Variants in EYS observed in about 807,000 individuals in gnomAD.
EYS encodes the protein EGF-like photoreceptor maintenance factor.
EYS carries 250 observed loss-of-function variants against 282.1 expected under a neutral mutation model. That is an observed-to-expected ratio of 0.89 (90% CI 0.80 to 0.98). The LOEUF (loss-of-function observed/expected upper bound fraction) is 0.98, where lower values mean the gene tolerates loss of function less well. EYS is among the 50% of genes least tolerant of loss of function. The pLI is 0.00. For synonymous variants in EYS, 1,355 were observed against 1,282.9 expected, an observed-to-expected ratio of 1.06 and a Z score of -1.20; for missense variants, 4,016 against 3,709.0, an observed-to-expected ratio of 1.08 and a Z score of -2.15.
At chr6:64,327,204 GC>G (rs1178091750) in intron 29 of EYS, among the ~76,000 whole-genome samples, 3 of 152,076 alleles carry the variant, frequency 2.0e-5, no homozygotes, top group African/African-American at 7.2e-5. Flanking sequence ...CATAGGACCA[GC>G]TCCACAGCTG....
intron 34 of EYS, among the ~76,000 whole-genome samples, chr6:63,995,683 T>C (rs1767802463): frequency 6.6e-6 from 1 of 152,046 alleles, no homozygotes; most frequent in South Asian, 2.1e-4. Flanking sequence ...TGTCCATTAA[T>C]GGATGAATGG....
chr6:64,935,420 C>T (rs1362098480), intron 15 of EYS, among the ~76,000 whole-genome samples: 1 of 151,392 alleles, frequency 6.6e-6, no homozygotes, highest in East Asian at 1.9e-4. Flanking sequence ...ACTTTGTATT[C>T]AATAGTGAAA....
chr6:64,817,155 G>A (rs1328317642), intron 21 of EYS, among the ~76,000 whole-genome samples: 3 of 151,940 alleles, frequency 2.0e-5, no homozygotes, highest in Non-Finnish European at 2.9e-5. Context: ...CATTTGTTGA[G>A]GGAGATGGAC....
intron 22 of EYS, among the ~76,000 whole-genome samples, chr6:64,720,783 CT>C (rs1314133289): frequency 6.6e-6 from 1 of 152,180 alleles, no homozygotes; most frequent in African/African-American, 2.4e-5. Flanking sequence ...GTCTATCTTT[CT>C]CTTTATCAAT....
At chr6:65,631,385 C>T (rs949329426) in intron 2 of EYS, among the ~76,000 whole-genome samples, 7 of 151,800 alleles carry the variant, frequency 4.6e-5, no homozygotes, top group African/African-American at 1.7e-4. Flanking sequence ...TTATTTCCTC[C>T]AGCTACTGTG....
chr6:65,620,433 A>T (rs2149801469), intron 2 of EYS, among the ~76,000 whole-genome samples: 1 of 151,242 alleles, frequency 6.6e-6, no homozygotes, highest in South Asian at 2.1e-4. Context: ...TGTCTATTTG[A>T]TTCTTCTCTT....
At position 64,787,177 on chromosome 6, in the gene EYS, G is replaced by A. The variant is rs183894856; in HGVS notation, c.3443+26201C>T. ...CTTGTGCCAGTAGAATCTAGACTCC[G>A]TGTGCTCAGTAGTGCGTTCCTCATT... On this transcript the variant is annotated intron_variant, in intron 22 of 42. Transcript: ENST00000503581. 1.9e-4 allele frequency among the ~76,000 whole-genome samples: 29 copies of A among 152,256 alleles called. No homozygotes were observed. In the East Asian group the frequency reaches 2.9e-3, roughly 15 times the overall value.
intron 14 of EYS, among the ~76,000 whole-genome samples, chr6:64,958,974 G>T (rs1027188071): frequency 6.6e-6 from 1 of 152,034 alleles, no homozygotes; most frequent in Non-Finnish European, 1.5e-5. Flanking sequence ...ATATCTGTAG[G>T]TTATAGTTCC....
intron 30 of EYS, among the ~76,000 whole-genome samples, chr6:64,278,969 G>T (rs968180518): frequency 6.6e-6 from 1 of 151,960 alleles, no homozygotes; most frequent in Non-Finnish European, 1.5e-5. Context: ...GCCCAGGTTG[G>T]TCTCAAATTC....
chr6:63,767,762 G>GC (rs1386947707), intron 40 of EYS, among the ~76,000 whole-genome samples: 3 of 152,032 alleles, frequency 2.0e-5, no homozygotes, highest in Non-Finnish European at 4.4e-5. Context: ...AGGCTAAATA[G>GC]CTGAAATGAT....
chr6:65,285,786 C>G (rs1331135629), intron 12 of EYS, among the ~76,000 whole-genome samples: 2 of 151,778 alleles, frequency 1.3e-5, no homozygotes, highest in African/African-American at 4.8e-5. Flanking sequence ...GCAGAGCTAA[C>G]CTGGTATCTG....
At chr6:65,443,116 TCATATATGTACACATCATA>T (rs1029980922) in intron 5 of EYS, among the ~76,000 whole-genome samples, 13 of 149,400 alleles carry the variant, frequency 8.7e-5, no homozygotes, top group East Asian at 4.0e-4. Context: ...TATATGTGGA[TCATATATGTACACATCATA>T]CATATATGTA....
chr6:64,099,516 C>A (rs935588065), intron 31 of EYS, among the ~76,000 whole-genome samples: 3 of 152,148 alleles, frequency 2.0e-5, no homozygotes, highest in Admixed American at 2.0e-4. Context: ...TATCACAATT[C>A]AATCTATGAG....
chr6:64,088,579 T>G (rs186565211), intron 31 of EYS, among the ~76,000 whole-genome samples: 1 of 152,158 alleles, frequency 6.6e-6, no homozygotes, highest in Non-Finnish European at 1.5e-5. Flanking sequence ...AAGGAAGCTA[T>G]GAAAGCACAG....
intron 26 of EYS, among the ~76,000 whole-genome samples, chr6:64,543,917 T>C (rs1172815324): frequency 1.3e-5 from 2 of 152,210 alleles, no homozygotes; most frequent in South Asian, 2.1e-4. Context: ...ATTCAAACTT[T>C]ATATGCCCTG....
At chr6:64,949,496 G>T (rs2150098525) in intron 14 of EYS, among the ~76,000 whole-genome samples, 1 of 151,888 alleles carries the variant, frequency 6.6e-6, no homozygotes, top group Admixed American at 6.6e-5. Context: ...GTTTTTTTAA[G>T]GACAACAGGA....
chr6:63,881,425 T>G (rs1360086684), intron 35 of EYS, among the ~76,000 whole-genome samples: 1 of 152,172 alleles, frequency 6.6e-6, no homozygotes, highest in Non-Finnish European at 1.5e-5. Flanking sequence ...GGAACTTTTA[T>G]TTTATTGTAT....
chr6:65,399,177 A>T (rs759532884), intron 7 of EYS, among the ~76,000 whole-genome samples: 40 of 152,096 alleles, frequency 2.6e-4, no homozygotes, highest in Non-Finnish European at 5.4e-4. Context: ...CATTTAAAGC[A>T]GTATCTGCCT....
intron 2 of EYS, among the ~76,000 whole-genome samples, chr6:65,542,488 TGTG>T (rs1768204436): frequency 6.6e-6 from 1 of 151,698 alleles, no homozygotes; most frequent in East Asian, 1.9e-4. Context: ...TGTGTGTGTG[TGTG>T]TGTGTGTGTG....
Sources: allele counts gnomAD v4.1 joint callset (sites outside exome capture counted in the v4.1 genomes callset), GRCh38; gene constraint gnomAD v4.1.1; transcripts MANE v1.5; gene names NCBI Gene and HGNC (gene_info 2026-07-23, HGNC 2026-07-21).